The following CCDC148 variants were observed in gnomAD, a reference collection of about 807,000 sequenced individuals.
CCDC148 encodes coiled-coil domain-containing protein 148.
CCDC148 carries 89 observed loss-of-function variants against 85.7 expected under a neutral mutation model. That is an observed-to-expected ratio of 1.04 (90% CI 0.87 to 1.24). The LOEUF is 1.24. Among genes scored for constraint, CCDC148 ranks in the 50% most tolerant of loss-of-function variants. The probability of loss-of-function intolerance (pLI) is 0.00; values close to 1 mark genes in which losing one functional copy is unlikely to be tolerated. For missense variants in CCDC148, 692 were observed against 671.7 expected (o/e 1.03, Z -0.33); for synonymous variants, 230 against 213.9 (o/e 1.08, Z -0.66).
chr2:158,200,428 A>G lies in CCDC148; in HGVS notation c.1370+20167T>C, dbSNP rs566658140. Among the ~76,000 whole-genome samples the G allele has an allele frequency of 2.0e-5, 3 of 152,300 alleles. No homozygotes were observed. The East Asian group carries it at 5.8e-4, about 29-fold the overall frequency. On this transcript the variant is annotated intron_variant, in intron 11 of 13. Transcript: ENST00000283233. ...TGACACACTATGACCCTGGGACCAA[A>G]TCCAATCTACTGCTTATTTTTATAA...
intron 8 of CCDC148, among the ~76,000 whole-genome samples, chr2:158,312,954 T>C (rs546890342): frequency 3.3e-5 from 5 of 152,336 alleles, no homozygotes; most frequent in Admixed American, 3.3e-4. Flanking sequence ...GTGATTGATA[T>C]ATGGTTAACT....
chr2:158,432,636 G>C (rs933288749), intron 1 of CCDC148, among the ~76,000 whole-genome samples: 4 of 152,072 alleles, frequency 2.6e-5, no homozygotes, highest in Non-Finnish European at 5.9e-5. Context: ...TACACTATTT[G>C]ACTGGCAAAT....
intron 10 of CCDC148, among the ~76,000 whole-genome samples, chr2:158,237,070 ATGCAGACATC>A (rs1688140702): frequency 6.6e-6 from 1 of 152,142 alleles, no homozygotes; most frequent in South Asian, 2.1e-4. Context: ...GGAGTGAGTC[ATGCAGACATC>A]TGGGAGAGCA....
chr2:158,362,726 C>G (rs893605504), intron 1 of CCDC148, among the ~76,000 whole-genome samples: 1 of 152,058 alleles, frequency 6.6e-6, no homozygotes, highest in African/African-American at 2.4e-5. Flanking sequence ...TGGGAAAGAT[C>G]TAAAATTGAC....
intron 1 of CCDC148, among the ~76,000 whole-genome samples, chr2:158,372,079 A>G (rs7564839): frequency 0.36 from 54,704 of 151,860 alleles, 10,293 homozygotes; most frequent in African/African-American, 0.47. Flanking sequence ...CCCAGTTTCC[A>G]TGGGACTTCA....
intron 2 of CCDC148, among the ~76,000 whole-genome samples, chr2:158,354,397 TCAC>T (rs1302945364): frequency 6.6e-6 from 1 of 151,950 alleles, no homozygotes; most frequent in Non-Finnish European, 1.5e-5. Flanking sequence ...AAAGGGGATC[TCAC>T]CACCGATCCC....
At chr2:158,220,186 C>A (rs1254553623) in intron 11 of CCDC148, among the ~76,000 whole-genome samples, 1 of 152,112 alleles carries the variant, frequency 6.6e-6, no homozygotes, top group Non-Finnish European at 1.5e-5. Context: ...TTATAATAAA[C>A]ACCACACAGC....
chr2:158,330,854 T>G (rs145834406), intron 7 of CCDC148, among the ~76,000 whole-genome samples: 26,958 of 152,122 alleles, frequency 0.18, 3,097 homozygotes, highest in Middle Eastern at 0.26. Context: ...TAGGTGGTGA[T>G]ATCCCCTTTA....
chr2:158,217,797 G>T (rs771751139), intron 11 of CCDC148, among the ~76,000 whole-genome samples: 2 of 152,178 alleles, frequency 1.3e-5, no homozygotes, highest in Non-Finnish European at 2.9e-5. Context: ...ATATGTGTGT[G>T]TGTTCTGAAC....
rs187977339 is a variant in CCDC148, at chr2:158,373,774, C to T, written c.26-15204G>A. On this transcript the variant is annotated intron_variant, in intron 1 of 13. Coordinates refer to ENST00000283233, the MANE Select transcript of CCDC148 (RefSeq NM_138803.4). Reference sequence around the variant, plus strand: ...TTCCTCTACCCCCAATTATTCTTCACCCTCTCATTCTAATTATTTTCCTTT... The same window carrying T: ...TTCCTCTACCCCCAATTATTCTTCATCCTCTCATTCTAATTATTTTCCTTT... 6.6e-5 allele frequency among the ~76,000 whole-genome samples: 10 copies of T among 152,108 alleles called. 1 individual carries two copies. The highest frequency in any genetic ancestry group is 5.2e-4 in the Admixed American group (8 of 15,240).
rs1247444620 is a variant in CCDC148 at position 158,354,983 on chromosome 2, C to G, written c.147+3466G>C. On this transcript the variant is annotated intron_variant, in intron 2 of 13. Transcript: ENST00000283233. ...ACAGAGCCAAAGACAAAAACCACAT[C>G]ATTATCTCAATAGATGCAGAAAAAG... 5.3e-5 allele frequency among the ~76,000 whole-genome samples: 8 copies of G among 152,088 alleles called. No homozygotes were observed. In the East Asian group the frequency reaches 7.7e-4, roughly 15 times the overall value.
At chr2:158,304,547 T>A (rs1691593338) in intron 9 of CCDC148, among the ~76,000 whole-genome samples, 1 of 152,180 alleles carries the variant, frequency 6.6e-6, no homozygotes, top group African/African-American at 2.4e-5. Context: ...TTGGGCAGAA[T>A]ATCTTTGACA....
chr2:158,187,320 AC>A (rs1685200734), intron 11 of CCDC148, among the ~76,000 whole-genome samples: 1 of 151,548 alleles, frequency 6.6e-6, no homozygotes, highest in African/African-American at 2.4e-5. Flanking sequence ...TCTCTAACCA[AC>A]CACCTTCCAT....
intron 11 of CCDC148, among the ~76,000 whole-genome samples, chr2:158,181,809 TG>T (rs1467870340): frequency 6.6e-6 from 1 of 151,786 alleles, no homozygotes. Context: ...GGCTGGACTG[TG>T]GGGGTTTTGA....
intron 11 of CCDC148, among the ~76,000 whole-genome samples, chr2:158,194,046 T>C (rs1354255427): frequency 6.6e-6 from 1 of 151,912 alleles, no homozygotes; most frequent in African/African-American, 2.4e-5. Context: ...AAATTTACAG[T>C]TTAAAGGGTA....
chr2:158,233,626 A>G (rs1463666733), intron 10 of CCDC148, among the ~76,000 whole-genome samples: 3 of 152,100 alleles, frequency 2.0e-5, no homozygotes, highest in Non-Finnish European at 2.9e-5. Context: ...AAACATCTGG[A>G]TAGGCAACTT....
At chr2:158,264,381 T>A (rs1689365924) in intron 9 of CCDC148, among the ~76,000 whole-genome samples, 1 of 151,974 alleles carries the variant, frequency 6.6e-6, no homozygotes, top group South Asian at 2.1e-4. Context: ...CAAACAAAAA[T>A]CACAAGATTA....
rs1353331509 is a variant in CCDC148 at position 158,178,954 on chromosome 2, C to T, written c.1413G>A (p.Glu471=). ...CTTCTTGAAGGGCCACTTCCTTTTT[C>T]TCCATCAAACGCCTTTCCAATAATT... is the stretch of plus-strand genomic sequence containing the variant. ...RQELLERRLM[E]KKEVALQEAH... The change falls in exon 12 of 14, where the codon GAG becomes GAA. Residue 471 remains glutamate (E), a synonymous_variant. Coordinates refer to ENST00000283233, the MANE Select transcript of CCDC148 (RefSeq NM_138803.4). 11 of 1,613,452 alleles carry T rather than the reference C, an allele frequency of 6.8e-6. No homozygotes were observed. The highest frequency in any genetic ancestry group is 8.5e-6 in the Non-Finnish European group (10 of 1,179,764).
intron 11 of CCDC148, among the ~76,000 whole-genome samples, chr2:158,187,633 A>G (rs1260932402): frequency 6.6e-6 from 1 of 152,026 alleles, no homozygotes. Context: ...CCTGTCTGCA[A>G]TGCCTGGTAC....
Sources: allele counts gnomAD v4.1 joint callset (sites outside exome capture counted in the v4.1 genomes callset), GRCh38; gene constraint gnomAD v4.1.1; transcripts MANE v1.5; gene names NCBI Gene and HGNC (gene_info 2026-07-23, HGNC 2026-07-21).